The following PINX1 variants were observed in gnomAD, a reference collection of about 807,000 sequenced individuals.
PINX1 encodes PIN2/TERF1-interacting telomerase inhibitor 1.
Under a neutral mutation model 25.4 loss-of-function variants are expected in PINX1, and 34 were observed. That is an observed-to-expected ratio of 1.34 (90% confidence interval 1.02 to 1.78). PINX1 has a LOEUF of 1.78. PINX1 is among the 40% of genes most tolerant of loss of function. PINX1 has a pLI of 0.00. For synonymous variants in PINX1, 197 were observed against 147.7 expected (o/e 1.33, Z -2.42); for missense variants, 592 against 404.9 (o/e 1.46, Z -3.97).
chr8:10,839,310 G>A (rs1798498216), intron 1 of PINX1, among the ~76,000 whole-genome samples: 1 of 152,124 alleles, frequency 6.6e-6, no homozygotes, highest in Non-Finnish European at 1.5e-5. Flanking sequence ...CTTTTTCTGG[G>A]TCCAAGACAT....
chr8:10,810,465 A>G (rs182618319), intron 6 of PINX1, among the ~76,000 whole-genome samples: 21 of 152,316 alleles, frequency 1.4e-4, no homozygotes, highest in Admixed American at 1.4e-3. Context: ...TGACAGACTC[A>G]GTGAGCATGA....
chr8:10,788,772 C>T (rs892394045), intron 6 of PINX1, among the ~76,000 whole-genome samples: 15 of 152,236 alleles, frequency 9.9e-5, no homozygotes, highest in Admixed American at 4.6e-4. Context: ...AGGAAGCCAA[C>T]CAAGGCAGAA....
intron 6 of PINX1, among the ~76,000 whole-genome samples, chr8:10,786,698 T>C (rs1039513138): frequency 7.2e-5 from 11 of 152,282 alleles, no homozygotes; most frequent in African/African-American, 2.6e-4. Context: ...AAAACTTCAG[T>C]GTATACTGCA....
intron 6 of PINX1, among the ~76,000 whole-genome samples, chr8:10,812,589 C>A (rs1221171092): frequency 6.6e-6 from 1 of 152,188 alleles, no homozygotes; most frequent in Non-Finnish European, 1.5e-5. Context: ...TTCCTTTGTC[C>A]AAACTGTCAC....
chr8:10,812,352 T>C (rs1797548922), intron 6 of PINX1, among the ~76,000 whole-genome samples: 1 of 152,194 alleles, frequency 6.6e-6, no homozygotes, highest in Non-Finnish European at 1.5e-5. Context: ...TCCAGCACCG[T>C]TTCAAATGTG....
At chr8:10,814,788 C>A (rs527907374) in intron 6 of PINX1, among the ~76,000 whole-genome samples, 1 of 152,228 alleles carries the variant, frequency 6.6e-6, no homozygotes, top group East Asian at 1.9e-4. Context: ...GAGGCTTCAA[C>A]TGACTGAATC....
At chr8:10,774,966 TA>T (rs895281233) in intron 6 of PINX1, among the ~76,000 whole-genome samples, 2 of 151,312 alleles carry the variant, frequency 1.3e-5, no homozygotes, top group African/African-American at 2.4e-5. Context: ...CTTATCACAA[TA>T]AAAAAAAGGC....
intron 6 of PINX1, among the ~76,000 whole-genome samples, chr8:10,815,087 G>A (rs1563227322): frequency 6.6e-6 from 1 of 152,142 alleles, no homozygotes; most frequent in South Asian, 2.1e-4. Context: ...ACTACAGGTG[G>A]ATGCCACTGA....
chr8:10,775,072 G>C (rs1370969164), intron 6 of PINX1, among the ~76,000 whole-genome samples: 1 of 152,022 alleles, frequency 6.6e-6, no homozygotes, highest in Non-Finnish European at 1.5e-5. Context: ...ACCCTAACCA[G>C]TTACACTGAG....
intron 6 of PINX1, among the ~76,000 whole-genome samples, chr8:10,802,613 C>T (rs1256514597): frequency 6.6e-6 from 1 of 152,154 alleles, no homozygotes; most frequent in Non-Finnish European, 1.5e-5. Context: ...TACTCTCAAC[C>T]TTGATTTCCC....
At chr8:10,772,605 A>C (rs1434551515) in intron 6 of PINX1, among the ~76,000 whole-genome samples, 3 of 152,276 alleles carry the variant, frequency 2.0e-5, no homozygotes, top group Admixed American at 6.5e-5. Flanking sequence ...AAGTCTCGGC[A>C]ATGAGCAGCC....
At chr8:10,817,780 G>T (rs574999260) in intron 6 of PINX1, among the ~76,000 whole-genome samples, 1 of 152,094 alleles carries the variant, frequency 6.6e-6, no homozygotes, top group Non-Finnish European at 1.5e-5. Context: ...CTGTACACAC[G>T]GCAGGACTTG....
At position 10,839,859 on chromosome 8, in the gene PINX1, G is replaced by A. The variant is rs1394780731; in HGVS notation, c.-103C>T. ...TCAGGACGTGCGTAACTCCCTCGCC[G>A]GCGGACTGCAGCGGACGGGGCGCGT... On this transcript the variant is annotated 5_prime_UTR_variant, in exon 1 of 7. Transcript: ENST00000314787. 1.7e-5 allele frequency: 20 copies of A among 1,165,568 alleles called. No homozygotes were observed. The East Asian group carries it at 4.2e-4, about 24-fold the overall frequency. 72.2% of individuals were successfully genotyped at this position (1,165,568 alleles called of 1,614,324 possible).
At chr8:10,792,595 C>T (rs1340104961) in intron 6 of PINX1, among the ~76,000 whole-genome samples, 1 of 152,172 alleles carries the variant, frequency 6.6e-6, no homozygotes, top group South Asian at 2.1e-4. Context: ...TTACAACAAA[C>T]AGAAATACTC....
intron 5 of PINX1, among the ~76,000 whole-genome samples, chr8:10,824,563 C>T (rs970798767): frequency 8.5e-5 from 13 of 152,220 alleles, no homozygotes; most frequent in African/African-American, 3.1e-4. Flanking sequence ...AGCGGTCTCA[C>T]AGGGTCACCC....
At chr8:10,809,494 TCCCTG>T (rs1198222731) in intron 6 of PINX1, among the ~76,000 whole-genome samples, 1 of 152,216 alleles carries the variant, frequency 6.6e-6, no homozygotes, top group East Asian at 1.9e-4. Context: ...GGGCTCATTT[TCCCTG>T]CACTCTGAAT....
chr8:10,821,001 T>C lies in PINX1; in HGVS notation c.395-732A>G, dbSNP rs1375211855. Among the ~76,000 whole-genome samples the C allele has an allele frequency of 2.0e-5, 3 of 152,240 alleles. No individual in the cohort carries two copies. The East Asian group carries it at 5.8e-4, about 29-fold the overall frequency. ...CAAACCAACTAATTTAAAATTCACTTCTTTGGAATTTCCACTTCTACCCAA... is the reference window on the plus strand; with the variant it reads ...CAAACCAACTAATTTAAAATTCACTCCTTTGGAATTTCCACTTCTACCCAA... On this transcript the variant is annotated intron_variant, in intron 5 of 6. Transcript: ENST00000314787.
chr8:10,787,781 G>A (rs1347307734), intron 6 of PINX1: 10 of 455,114 alleles, frequency 2.2e-5, no homozygotes, highest in Non-Finnish European at 4.4e-5. Flanking sequence ...TCAGGACATG[G>A]GAAATTCTGT....
chr8:10,772,046 T>A (rs1031809107), intron 6 of PINX1, among the ~76,000 whole-genome samples: 1 of 152,192 alleles, frequency 6.6e-6, no homozygotes, highest in Non-Finnish European at 1.5e-5. Flanking sequence ...AGGTACTGTG[T>A]GGTATGGGAA....
Sources: allele counts gnomAD v4.1 joint callset (sites outside exome capture counted in the v4.1 genomes callset), GRCh38; gene constraint gnomAD v4.1.1; transcripts MANE v1.5; gene names NCBI Gene and HGNC (gene_info 2026-07-23, HGNC 2026-07-21).